Variants in PHLDB3 observed in about 807,000 individuals in gnomAD.
PHLDB3 encodes pleckstrin homology like domain family B member 3.
A neutral mutation model predicts 85.7 loss-of-function variants in PHLDB3; 86 were observed. That is an observed-to-expected ratio of 1.00 (90% CI 0.84 to 1.20). The LOEUF (loss-of-function observed/expected upper bound fraction) is 1.20. Ranked by LOEUF, PHLDB3 falls within the 50% of genes most tolerant of loss-of-function variation. The pLI is 0.00. For missense variants in PHLDB3, 995 were observed against 873.0 expected, an observed-to-expected ratio of 1.14 and a Z score of -1.76; for synonymous variants, 376 against 349.8, an observed-to-expected ratio of 1.07 and a Z score of -0.83.
intron 9 of PHLDB3, among the ~76,000 whole-genome samples, chr19:43,492,791 G>A (rs766822859): frequency 6.6e-6 from 1 of 152,108 alleles, no homozygotes; most frequent in Non-Finnish European, 1.5e-5. Context: ...TTGTTGCAAA[G>A]ACAAATCAGT....
intron 7 of PHLDB3, 24 bp from the exon 8 acceptor site, chr19:43,495,363 C>A: frequency 1.2e-6 from 2 of 1,610,018 alleles, no homozygotes; most frequent in African/African-American, 1.3e-5. Context: ...TGGACAGCTA[C>A]GTGTCAAAGT....
At chr19:43,500,023 T>C (rs959249133) in intron 4 of PHLDB3, among the ~76,000 whole-genome samples, 28 of 152,134 alleles carry the variant, frequency 1.8e-4, no homozygotes, top group African/African-American at 6.3e-4. Flanking sequence ...GCAGATCACC[T>C]GAGGTCAGGA....
chr19:43,497,536 A>C (rs922340247), intron 5 of PHLDB3, among the ~76,000 whole-genome samples: 1 of 151,938 alleles, frequency 6.6e-6, no homozygotes, highest in Non-Finnish European at 1.5e-5. Context: ...AAATAGTGAA[A>C]CCCCGTCTCT....
At chr19:43,479,794 CA>C (rs1599932443) in intron 13 of PHLDB3, among the ~76,000 whole-genome samples, 1 of 152,112 alleles carries the variant, frequency 6.6e-6, no homozygotes, top group African/African-American at 2.4e-5. Context: ...TTATGGACAT[CA>C]GCTCCTTGGC....
chr19:43,494,964 T>C (rs1019587934), intron 8 of PHLDB3, 149 bp from the exon 9 acceptor site: 8 of 656,338 alleles, frequency 1.2e-5, no homozygotes, highest in Non-Finnish European at 1.8e-5. Context: ...TCGTGTCCAG[T>C]CTCCCAATGT....
chr19:43,503,833 T>C (rs1165556306), intron 2 of PHLDB3, 73 bp downstream of exon 2: 24 of 1,571,158 alleles, frequency 1.5e-5, no homozygotes, highest in Non-Finnish European at 2.0e-5. Context: ...CCTCTACCTG[T>C]CTACCTGTCT....
At chr19:43,482,641 G>A (rs942242310) in intron 13 of PHLDB3, among the ~76,000 whole-genome samples, 2 of 152,122 alleles carry the variant, frequency 1.3e-5, no homozygotes, top group Non-Finnish European at 2.9e-5. Flanking sequence ...CAGTTCAAGC[G>A]ATTCTCCTGC....
rs1282840493 is a variant in PHLDB3, at chr19:43,497,140, T to C, written c.803A>G (p.Gln268Arg). 2 of 1,543,642 alleles carry C rather than the reference T, an allele frequency of 1.3e-6. No individual in the cohort carries two copies. The highest frequency in any genetic ancestry group is 1.4e-5 in the African/African-American group (1 of 71,354). Residue 268 changes from glutamine to arginine, a missense_variant, in exon 6 of 16, where the codon CAG (glutamine) becomes CGG (arginine). Physicochemically the swap from Gln to Arg is conservative, Grantham distance 43 (BLOSUM62 1). Coordinates refer to ENST00000292140, the MANE Select transcript of PHLDB3 (RefSeq NM_198850.4). ...CACTCTGTGCTGCGCCATGCTGGCC[T>C]GGAGTTCCTGGACCTTGGGGTCTGG... is the stretch of plus-strand genomic sequence containing the variant. ...QVPDPKVQEL[Q>R]ASMAQHRRGA... is the part of the protein sequence containing the mutation.
chr19:43,504,294 G>A (rs1220118174), intron 1 of PHLDB3, 162 bp from the exon 2 acceptor site: 20 of 694,204 alleles, frequency 2.9e-5, no homozygotes, highest in Non-Finnish European at 2.3e-6. Flanking sequence ...GAAGTTTCCA[G>A]AGGCGGGGCT....
In PHLDB3 at chr19:43,494,230, G is replaced by A. The variant is rs143080180; in HGVS notation, c.1149+472C>T. Among the ~76,000 whole-genome samples, 9 of 151,968 alleles carry A rather than the reference G, an allele frequency of 5.9e-5. No individual in the cohort carries two copies. In the East Asian group the frequency reaches 1.4e-3, roughly 23 times the overall value. ...TCACCATATTGGCCAGGCTGGTCTC[G>A]AACTCCTGACCTCAGGTCATCCGCT... On this transcript the variant is annotated intron_variant, in intron 9 of 15. Transcript: ENST00000292140.
At chr19:43,496,247 T>A (rs918894041) in intron 6 of PHLDB3, 2 of 152,122 alleles carry the variant, frequency 1.3e-5, no homozygotes, top group African/African-American at 4.8e-5. Context: ...ACTCCCAAAC[T>A]CAGGTCATCT....
Position 43,495,336 on chromosome 19 carries a change from G to C in PHLDB3, c.955C>G (p.Arg319Gly), listed in dbSNP as rs769409310. The C allele has an allele frequency of 3.7e-6, 6 of 1,612,910 alleles. No homozygotes were observed. Among genetic ancestry groups the C allele is most frequent in the African/African-American group, 2.7e-5 (2 of 74,940 alleles). ...CAATTGAGCTCGAGCAGCCGGCTCC[G>C]TTCCTACCAGAAGATATGGACAGCT... ...EEALQALSQERSRLLELNCLQ... is the reference protein window; with the variant it reads ...EEALQALSQEGSRLLELNCLQ... The change falls in exon 8 of 16, where the codon CGG (arginine) becomes GGG (glycine). Residue 319 changes from arginine to glycine, a missense_variant. Physicochemically the swap from Arg to Gly is moderately radical, Grantham distance 125. Coordinates refer to ENST00000292140, the MANE Select transcript of PHLDB3 (RefSeq NM_198850.4).
intron 13 of PHLDB3, among the ~76,000 whole-genome samples, chr19:43,481,688 G>T (rs1244534192): frequency 6.6e-6 from 1 of 151,860 alleles, no homozygotes; most frequent in Non-Finnish European, 1.5e-5. Flanking sequence ...CGGCTAATTA[G>T]GAGGCTGAGG....
In PHLDB3 at chr19:43,497,193, C is replaced by T. The variant is rs7257767; in HGVS notation, c.750G>A (p.Glu250=). The T allele has an allele frequency of 0.12, 180,297 of 1,559,150 alleles. 11,606 individuals are homozygous for T. Among genetic ancestry groups the T allele is most frequent in the African/African-American group, 0.27 (19,387 of 71,740 alleles). ...CCTGGGGCCCAGGGCTGTCCCGATCCTCCTCCTCCTGCCGGCTCTCCCGCT... is the reference window on the plus strand; with the variant it reads ...CCTGGGGCCCAGGGCTGTCCCGATCTTCCTCCTCCTGCCGGCTCTCCCGCT... The part of the protein sequence containing the change: ...QLERESRQEE[E]DRDSPGPQVP... The change falls in exon 6 of 16, where the codon GAG becomes GAA. Residue 250 remains glutamate, a synonymous_variant. Transcript: ENST00000292140.
At chr19:43,500,246 A>G (rs1287789716) in intron 4 of PHLDB3, among the ~76,000 whole-genome samples, 2 of 152,104 alleles carry the variant, frequency 1.3e-5, no homozygotes, top group Non-Finnish European at 2.9e-5. Context: ...TCTCGCAAAA[A>G]AAAAGAGACT....
intron 2 of PHLDB3, among the ~76,000 whole-genome samples, 165 bp from the exon 3 acceptor site, chr19:43,502,448 CTTTCT>C (rs986326195): frequency 2.3e-5 from 3 of 132,292 alleles, no homozygotes; most frequent in African/African-American, 8.6e-5. Context: ...TTTTCTTTTT[CTTTCT>C]TATCTTTTTT....
Position 43,479,479 on chromosome 19 carries a change from A to C in PHLDB3, c.1600T>G (p.Cys534Gly), listed in dbSNP as rs777042244. ...ATCTTCACCAGGGGTCCACGGCAGC[A>C]GCACCCAGACACCTGCACATGTGGG... Reference protein sequence around the residue: ...NCPHVQVSGCCCRGPLVKMGG... With the variant: ...NCPHVQVSGCGCRGPLVKMGG... The change falls in exon 14 of 16, where the codon TGC becomes GGC. Residue 534 changes from cysteine (C) to glycine (G), a missense_variant. Transcript: ENST00000292140. 42 of 1,555,782 alleles carry C rather than the reference A, an allele frequency of 2.7e-5. No individual in the cohort carries two copies. The highest frequency in any genetic ancestry group is 3.7e-5 in the Non-Finnish European group (42 of 1,149,858).
At chr19:43,496,016 C>CTT (rs199561319) in intron 6 of PHLDB3, 19 of 140,104 alleles carry the variant, frequency 1.4e-4, no homozygotes, top group South Asian at 4.6e-4. Context: ...AAGAAAAGCT[C>CTT]TTTTTTTTTT....
chr19:43,493,316 A>AAATAAATAAATAAATT (rs1555755888), intron 9 of PHLDB3, among the ~76,000 whole-genome samples: 1 of 134,658 alleles, frequency 7.4e-6, no homozygotes, highest in Non-Finnish European at 1.6e-5. Flanking sequence ...ATAAATAAAT[A>AAATAAATAAATAAATT]AAATAAAAGC....
Sources: allele counts gnomAD v4.1 joint callset (sites outside exome capture counted in the v4.1 genomes callset), GRCh38; gene constraint gnomAD v4.1.1; transcripts MANE v1.5; gene names NCBI Gene and HGNC (gene_info 2026-07-23, HGNC 2026-07-21).